SLC8A3: variants seen among roughly 807,000 people sequenced by gnomAD.
SLC8A3 encodes the protein sodium/calcium exchanger 3.
In SLC8A3, 37 loss-of-function variants were observed where a neutral mutation model predicts 65.4. The observed-to-expected ratio is 0.57, with a 90% CI of 0.44 to 0.74. The LOEUF (loss-of-function observed/expected upper bound fraction) is 0.74. Among genes scored for constraint, SLC8A3 ranks in the 30% least tolerant of loss-of-function variants. The pLI is 0.00. For synonymous variants in SLC8A3, 461 were observed against 444.5 expected (o/e 1.04, Z -0.47); for missense variants, 1,112 against 1,172.1 (o/e 0.95, Z 0.75).
rs563952367 is a variant in SLC8A3, at chr14:70,082,285, G to T, written c.1785-21346C>A. Among the ~76,000 whole-genome samples, 4 of 144,734 alleles carry T rather than the reference G, an allele frequency of 2.8e-5. No individual in the cohort carries two copies. In the East Asian group the frequency reaches 5.8e-4, roughly 21 times the overall value. The allele number at this position is 144,734 out of a possible 152,430, so 95.0% of individuals were successfully genotyped here. A position where few individuals can be genotyped will look rare whatever the true frequency, so the allele number is the denominator to read the frequency against. ...TTCAATTTTTTTAAAATAATTTCTTGGGGGGGTGACCCTACTTAGCTGAAG... is the reference window on the plus strand; with the variant it reads ...TTCAATTTTTTTAAAATAATTTCTTTGGGGGGTGACCCTACTTAGCTGAAG... On this transcript the variant is annotated intron_variant, in intron 2 of 6. Transcript: ENST00000356921.
At chr14:70,153,319 G>T (rs1456383602) in intron 2 of SLC8A3, among the ~76,000 whole-genome samples, 1 of 152,094 alleles carries the variant, frequency 6.6e-6, no homozygotes, top group Non-Finnish European at 1.5e-5. Context: ...GTGCTGCTCT[G>T]GTCTAAGGAC....
At chr14:70,126,547 TTC>T (rs36183214) in intron 2 of SLC8A3, among the ~76,000 whole-genome samples, 1,522 of 118,096 alleles carry the variant, frequency 0.013, 13 homozygotes, top group Non-Finnish European at 0.017. Flanking sequence ...AGAAAGAAAA[TTC>T]TCTCTCTCTC....
At chr14:70,071,604 C>T (rs905135093) in intron 2 of SLC8A3, among the ~76,000 whole-genome samples, 3 of 152,100 alleles carry the variant, frequency 2.0e-5, no homozygotes, top group African/African-American at 4.8e-5. Flanking sequence ...AGGTTGGAAG[C>T]GTATATGTCC....
intron 2 of SLC8A3, among the ~76,000 whole-genome samples, chr14:70,090,329 A>AGG: frequency 6.6e-6 from 1 of 152,248 alleles, no homozygotes; most frequent in South Asian, 2.1e-4. Flanking sequence ...TTCCAAGTGA[A>AGG]TAATTATCAG....
At chr14:70,175,212 T>G (rs931664719) in intron 1 of SLC8A3, among the ~76,000 whole-genome samples, 2 of 152,188 alleles carry the variant, frequency 1.3e-5, no homozygotes, top group African/African-American at 2.4e-5. Flanking sequence ...ACAACAGCAA[T>G]GATCATATAT....
chr14:70,078,736 C>T (rs1302238569), intron 2 of SLC8A3, among the ~76,000 whole-genome samples: 1 of 152,122 alleles, frequency 6.6e-6, no homozygotes, highest in Non-Finnish European at 1.5e-5. Context: ...TCATAAATTC[C>T]CTCATCAGAT....
intron 2 of SLC8A3, among the ~76,000 whole-genome samples, chr14:70,118,634 G>A (rs889473977): frequency 1.3e-5 from 2 of 152,180 alleles, no homozygotes; most frequent in Non-Finnish European, 2.9e-5. Flanking sequence ...AAATCCTTTT[G>A]GTGATGCTCT....
At chr14:70,127,686 C>G (rs1372115277) in intron 2 of SLC8A3, among the ~76,000 whole-genome samples, 1 of 152,136 alleles carries the variant, frequency 6.6e-6, no homozygotes, top group Non-Finnish European at 1.5e-5. Flanking sequence ...TATGGACCAC[C>G]CTGTTCAACC....
chr14:70,112,545 G>A (rs1238211256), intron 2 of SLC8A3, among the ~76,000 whole-genome samples: 1 of 152,140 alleles, frequency 6.6e-6, no homozygotes, highest in Non-Finnish European at 1.5e-5. Flanking sequence ...GAAGAAAATG[G>A]ACTGTAGACG....
At chr14:70,119,012 G>A (rs1182490914) in intron 2 of SLC8A3, among the ~76,000 whole-genome samples, 13 of 152,118 alleles carry the variant, frequency 8.5e-5, no homozygotes, top group Admixed American at 8.5e-4. Context: ...TACACCTCGA[G>A]CCCCTCAAGA....
chr14:70,073,055 ACCCTTCCCTT>A (rs58927473), intron 2 of SLC8A3, among the ~76,000 whole-genome samples: 4 of 151,238 alleles, frequency 2.6e-5, no homozygotes, highest in South Asian at 2.1e-4. Context: ...TCTTCCTCTT[ACCCTTCCCTT>A]CCCTTCCCTT....
rs1278441514 is a variant in SLC8A3 at position 70,156,155 on chromosome 14, CA to C, written c.1784+10483del. Among the ~76,000 whole-genome samples, 8 of 152,318 alleles carry C rather than the reference CA, an allele frequency of 5.3e-5. No homozygotes were observed. The East Asian group carries it at 1.5e-3, about 29-fold the overall frequency. On this transcript the variant is annotated intron_variant, in intron 2 of 6. Transcript: ENST00000356921. ...TAGAGTACAAAACTCACTAGGTTAG[CA>C]GTGCTTCTGGAAGATTCTAGTCTGA... is the stretch of plus-strand genomic sequence containing the variant.
chr14:70,140,560 T>C (rs1895499083), intron 2 of SLC8A3, among the ~76,000 whole-genome samples: 1 of 152,180 alleles, frequency 6.6e-6, no homozygotes, highest in African/African-American at 2.4e-5. Flanking sequence ...CCTCACACCT[T>C]GGGATTCTGG....
At chr14:70,162,010 A>G (rs1896922990) in intron 2 of SLC8A3, among the ~76,000 whole-genome samples, 1 of 151,820 alleles carries the variant, frequency 6.6e-6, no homozygotes, top group South Asian at 2.1e-4. Flanking sequence ...CTCAATTCAG[A>G]TAGAGAAAGA....
chr14:70,114,812 C>T (rs1001693869), intron 2 of SLC8A3, among the ~76,000 whole-genome samples: 15 of 152,170 alleles, frequency 9.9e-5, no homozygotes, highest in Non-Finnish European at 8.8e-5. Context: ...TCTGAGGAGA[C>T]TCAAATGTGC....
intron 2 of SLC8A3, among the ~76,000 whole-genome samples, chr14:70,130,373 T>G (rs1040799862): frequency 6.6e-6 from 1 of 152,230 alleles, no homozygotes; most frequent in African/African-American, 2.4e-5. Flanking sequence ...GATGCTGGGT[T>G]GCCCTGTGTT....
Position 70,168,454 on chromosome 14 carries a change from G to C in SLC8A3, c.-32C>G. On this transcript the variant is annotated 5_prime_UTR_variant, in exon 2 of 7. Coordinates refer to ENST00000356921, the MANE Select transcript of SLC8A3 (RefSeq NM_182932.3). ...GACTTAGCCACTGGCTTCTATTGCAGCACCAGTTGTCCTCCTGATAGGCCA... is the reference window on the plus strand; with the variant it reads ...GACTTAGCCACTGGCTTCTATTGCACCACCAGTTGTCCTCCTGATAGGCCA... 6.4e-7 allele frequency: 1 copy of C among 1,558,522 alleles called. No individual in the cohort carries two copies. The highest frequency in any genetic ancestry group is 8.8e-7 in the Non-Finnish European group (1 of 1,139,246).
At chr14:70,114,977 T>C (rs1043247147) in intron 2 of SLC8A3, among the ~76,000 whole-genome samples, 3 of 151,914 alleles carry the variant, frequency 2.0e-5, no homozygotes, top group Non-Finnish European at 2.9e-5. Flanking sequence ...GACAGACGAG[T>C]GTCCGGCTCC....
At chr14:70,140,687 TA>T (rs1895509008) in intron 2 of SLC8A3, among the ~76,000 whole-genome samples, 1 of 152,354 alleles carries the variant, frequency 6.6e-6, no homozygotes, top group African/African-American at 2.4e-5. Flanking sequence ...GTCTGGCAGG[TA>T]ATGTAGGTGT....
Sources: allele counts gnomAD v4.1 joint callset (sites outside exome capture counted in the v4.1 genomes callset), GRCh38; gene constraint gnomAD v4.1.1; transcripts MANE v1.5; gene names NCBI Gene and HGNC (gene_info 2026-07-23, HGNC 2026-07-21).